CREB5: variants seen among roughly 807,000 people sequenced by gnomAD.
CREB5 encodes the protein cAMP responsive element binding protein 5, also known as cyclic AMP-responsive element-binding protein 5.
A neutral mutation model predicts 57.1 loss-of-function variants in CREB5; 19 were observed. The ratio of observed to expected loss-of-function variants is 0.33; its 90% CI spans 0.23 to 0.49. CREB5 has a LOEUF of 0.49. Among genes scored for constraint, CREB5 ranks in the 20% least tolerant of loss-of-function variants. The pLI, the probability that CREB5 is intolerant of heterozygous loss-of-function variation, is 0.99. For synonymous variants in CREB5, 238 were observed against 238.3 expected, an observed-to-expected ratio of 1.00 and a Z score of 0.01; for missense variants, 579 against 671.6, an observed-to-expected ratio of 0.86 and a Z score of 1.52.
At chr7:28,580,496 G>C (rs936027975) in intron 5 of CREB5, among the ~76,000 whole-genome samples, 3 of 141,688 alleles carry the variant, frequency 2.1e-5, no homozygotes, top group Non-Finnish European at 4.5e-5. Flanking sequence ...ACGCAGCTCT[G>C]TAGTCAGGCA....
intron 5 of CREB5, among the ~76,000 whole-genome samples, chr7:28,700,959 T>TAAA (rs11324534): frequency 7.4e-6 from 1 of 134,312 alleles, no homozygotes. Flanking sequence ...CCCAGGGATT[T>TAAA]AAAAAAAAAA....
At chr7:28,744,703 C>T (rs976736583) in intron 7 of CREB5, among the ~76,000 whole-genome samples, 11 of 152,080 alleles carry the variant, frequency 7.2e-5, no homozygotes, top group African/African-American at 2.4e-4. Context: ...TACTGAGGTC[C>T]CGGAGTTAGG....
At chr7:28,511,065 A>G (rs1360326302) in intron 4 of CREB5, among the ~76,000 whole-genome samples, 3 of 152,156 alleles carry the variant, frequency 2.0e-5, no homozygotes, top group African/African-American at 7.2e-5. Context: ...AAAACAAACA[A>G]AAATACCTGC....
chr7:28,403,257 GGATT>G (rs1787512498), intron 1 of CREB5, among the ~76,000 whole-genome samples: 2 of 152,090 alleles, frequency 1.3e-5, no homozygotes, highest in Admixed American at 1.3e-4. Context: ...AGGGCCAGTT[GGATT>G]GATTCCTCCA....
chr7:28,766,828 G>A (rs979184842), intron 7 of CREB5, among the ~76,000 whole-genome samples: 9 of 152,140 alleles, frequency 5.9e-5, no homozygotes, highest in African/African-American at 9.7e-5. Context: ...TAGTATCCAC[G>A]GGAAAAGGCA....
intron 4 of CREB5, among the ~76,000 whole-genome samples, chr7:28,548,459 C>CA (rs1272057666): frequency 6.6e-6 from 1 of 152,160 alleles, no homozygotes; most frequent in Non-Finnish European, 1.5e-5. Flanking sequence ...TGACAGATGA[C>CA]ATTCATGGTA....
intron 4 of CREB5, among the ~76,000 whole-genome samples, chr7:28,528,704 C>CAAA (rs778154325): frequency 4.0e-3 from 234 of 58,000 alleles, no homozygotes; most frequent in Middle Eastern, 0.012. Context: ...AACTCCATCT[C>CAAA]AAAAAAAAAA....
chr7:28,333,526 C>T lies in CREB5; in HGVS notation c.-25+34085C>T, dbSNP rs76014228. Among the ~76,000 whole-genome samples, 179 of 152,078 alleles carry T rather than the reference C, an allele frequency of 1.2e-3. 1 individual carries two copies. In the East Asian group the frequency reaches 0.031, roughly 26 times the overall value. On this transcript the variant is annotated intron_variant, in intron 1 of 9. Transcript: ENST00000396299. Reference sequence around the variant, plus strand: ...TACCTTTTTTTTGGTACCCATTAACCGTTCTCACTCCATCCACCCACTACC... The same window carrying T: ...TACCTTTTTTTTGGTACCCATTAACTGTTCTCACTCCATCCACCCACTACC...
intron 5 of CREB5, among the ~76,000 whole-genome samples, chr7:28,575,022 G>T (rs1795850827): frequency 6.6e-6 from 1 of 152,098 alleles, no homozygotes; most frequent in Non-Finnish European, 1.5e-5. Context: ...AAGATGAAAA[G>T]GTGCCAAGAC....
intron 5 of CREB5, among the ~76,000 whole-genome samples, chr7:28,583,627 G>T (rs1193601884): frequency 6.6e-6 from 1 of 152,168 alleles, no homozygotes; most frequent in Non-Finnish European, 1.5e-5. Flanking sequence ...GAGCAGAGAG[G>T]CAGCATTCAT....
upstream of CREB5, among the ~76,000 whole-genome samples, chr7:28,408,486 G>A (rs1449778138): frequency 6.6e-6 from 1 of 152,202 alleles, no homozygotes; most frequent in Non-Finnish European, 1.5e-5. Context: ...CAGGCGCCCG[G>A]ATCCTGCAGT....
chr7:28,818,111 A>G lies in CREB5; in HGVS notation c.1295A>G (p.Lys432Arg), dbSNP rs115644935. ...SMLKNEVAQL[K>R]QLLLTHKDCP... ...TTGAAAAATGAGGTGGCCCAGCTGA[A>G]ACAGTTGTTGTTAACACATAAAGAC... Residue 432 changes from lysine (K) to arginine (R), a missense_variant, in exon 10 of 11, where the codon AAA becomes AGA. By Grantham distance (26) the Lys-to-Arg change is conservative (BLOSUM62 2). Transcript: ENST00000357727. 26 of 1,613,782 alleles carry G rather than the reference A, an allele frequency of 1.6e-5. No homozygotes were observed. The East Asian group carries it at 5.8e-4, about 36-fold the overall frequency.
chr7:28,454,591 C>T (rs184550352), intron 1 of CREB5, among the ~76,000 whole-genome samples: 1 of 152,268 alleles, frequency 6.6e-6, no homozygotes, highest in African/African-American at 2.4e-5. Flanking sequence ...GTCTAATGAC[C>T]AGCTTATGTC....
chr7:28,540,743 A>G (rs995108964), intron 4 of CREB5, among the ~76,000 whole-genome samples: 1 of 152,196 alleles, frequency 6.6e-6, no homozygotes, highest in African/African-American at 2.4e-5. Context: ...ATGGAAAAGA[A>G]GAGTTGAGAT....
At chr7:28,416,826 A>C (rs527432385) in intron 1 of CREB5, among the ~76,000 whole-genome samples, 1 of 152,336 alleles carries the variant, frequency 6.6e-6, no homozygotes, top group East Asian at 1.9e-4. Context: ...ATTCTTTAAC[A>C]TCCATTTCAA....
intron 5 of CREB5, among the ~76,000 whole-genome samples, chr7:28,705,386 G>GAAAGA (rs3041244): frequency 0.68 from 97,464 of 142,982 alleles, 33,851 homozygotes; most frequent in Admixed American, 0.75. Context: ...AAAAAAGAAA[G>GAAAGA]AAAGAAAAGA....
At chr7:28,733,360 G>A (rs1275441137) in intron 7 of CREB5, among the ~76,000 whole-genome samples, 1 of 152,076 alleles carries the variant, frequency 6.6e-6, no homozygotes, top group Non-Finnish European at 1.5e-5. Flanking sequence ...GCCTCAGTTT[G>A]GTCCAGTGTT....
rs921634300 is a variant in CREB5, at chr7:28,776,739, T to A, written c.703-27460T>A. 2.6e-5 allele frequency among the ~76,000 whole-genome samples: 4 copies of A among 152,244 alleles called. 1 individual carries two copies. In the South Asian group the frequency reaches 8.3e-4, roughly 32 times the overall value. ...CAGCGTCTGGCAACGAGTAATCTAC[T>A]TTCTGTCTCTACGGATTGCCTCTTT... On this transcript the variant is annotated intron_variant, in intron 7 of 10. Transcript: ENST00000357727.
intron 1 of CREB5, among the ~76,000 whole-genome samples, chr7:28,467,577 C>T (rs1400433689): frequency 2.0e-5 from 3 of 152,218 alleles, no homozygotes; most frequent in Non-Finnish European, 4.4e-5. Context: ...GGTTGCTGCT[C>T]CTGGTGATGT....
Sources: allele counts gnomAD v4.1 joint callset (sites outside exome capture counted in the v4.1 genomes callset), GRCh38; gene constraint gnomAD v4.1.1; transcripts MANE v1.5; gene names NCBI Gene and HGNC (gene_info 2026-07-23, HGNC 2026-07-21).